The following CORO7 variants were observed in gnomAD, a reference collection of about 807,000 sequenced individuals.
The protein encoded by CORO7 is coronin-7.
Under a neutral mutation model 126.6 loss-of-function variants are expected in CORO7, and 107 were observed. The observed-to-expected ratio is 0.85, with a 90% CI of 0.72 to 0.99. The LOEUF is 0.99. CORO7 is among the 50% of genes least tolerant of loss of function. The pLI is 0.00. For synonymous variants in CORO7, 603 were observed against 536.8 expected, an observed-to-expected ratio of 1.12 and a Z score of -1.70; for missense variants, 1,314 against 1,255.8, an observed-to-expected ratio of 1.05 and a Z score of -0.70.
At chr16:4,356,922 C>T (rs929806505) in intron 26 of CORO7, 37 of 571,386 alleles carry the variant, frequency 6.5e-5, no homozygotes, top group African/African-American at 6.4e-4. Context: ...GCACTTGGGC[C>T]CAGAACTGCC....
intron 25 of CORO7, 148 bp from the exon 26 acceptor site, chr16:4,357,407 G>C: frequency 1.2e-6 from 1 of 866,180 alleles, no homozygotes; most frequent in East Asian, 2.8e-5. Context: ...GCCCAGGCTG[G>C]AGTGCAATGA....
intron 13 of CORO7, 85 bp downstream of exon 13, chr16:4,364,512 C>T: frequency 3.3e-6 from 5 of 1,495,572 alleles, no homozygotes; most frequent in Non-Finnish European, 4.5e-6. Context: ...GGGCACCCAG[C>T]AGGCCAGACT....
chr16:4,405,640 T>TG, intron 5 of CORO7, 73 bp from the exon 6 acceptor site: 2 of 1,537,244 alleles, frequency 1.3e-6, no homozygotes, highest in East Asian at 2.3e-5. Flanking sequence ...CGGGCCTTGC[T>TG]GGGGGGAACT....
At chr16:4,411,874 A>G (rs576745611) in intron 3 of CORO7, among the ~76,000 whole-genome samples, 30 of 151,682 alleles carry the variant, frequency 2.0e-4, no homozygotes, top group Non-Finnish European at 4.1e-4. Context: ...CCTGCCAGGC[A>G]GGCTGCTGGA....
chr16:4,406,511 C>G (rs2056002834), intron 5 of CORO7, among the ~76,000 whole-genome samples: 1 of 151,692 alleles, frequency 6.6e-6, no homozygotes. Flanking sequence ...GTTGCTCAGA[C>G]TAATTCTCAA....
Position 4,395,297 on chromosome 16 carries a change from C to T in CORO7, c.607G>A (p.Ala203Thr). Residue 203 changes from alanine to threonine, a missense_variant, in exon 7 of 28, where the codon GCC (alanine) becomes ACC (threonine). Ala to Thr is a moderately conservative substitution (Grantham distance 58, BLOSUM62 0). Coordinates refer to ENST00000251166, the MANE Select transcript of CORO7 (RefSeq NM_024535.5). Reference protein sequence around the residue: ...RIFDPRTKPRASQSTQAHENS... With the variant: ...RIFDPRTKPRTSQSTQAHENS... Reference sequence around the variant, plus strand: ...TTGCCCACACAACTCACCTGAGAGGCCCGCGGCTTTGTTCTGGGGTCAAAG... The same window carrying T: ...TTGCCCACACAACTCACCTGAGAGGTCCGCGGCTTTGTTCTGGGGTCAAAG... 6.2e-7 allele frequency: 1 copy of T among 1,614,076 alleles called. No homozygotes were observed. The highest frequency in any genetic ancestry group is 1.3e-5 in the African/African-American group (1 of 75,058).
In CORO7 at chr16:4,409,209, G is replaced by A. The variant is rs141777616; in HGVS notation, c.233-958C>T. On this transcript the variant is annotated intron_variant, in intron 3 of 27. Coordinates refer to ENST00000251166, the MANE Select transcript of CORO7 (RefSeq NM_024535.5). ...GGCTGAGCAGGACTGTCTTCCTCCC[G>A]GCCTCAGGAGACAGGGAAAAGATAG... is the stretch of plus-strand genomic sequence containing the variant. Among the ~76,000 whole-genome samples the A allele has an allele frequency of 3.9e-3, 594 of 152,300 alleles. 8 individuals carry two copies. Among genetic ancestry groups the A allele is most frequent in the African/African-American group, 0.014 (565 of 41,560 alleles).
At chr16:4,378,667 G>T (rs1479044015) in intron 9 of CORO7, among the ~76,000 whole-genome samples, 1 of 152,062 alleles carries the variant, frequency 6.6e-6, no homozygotes, top group African/African-American at 2.4e-5. Context: ...CCTGGGGTTT[G>T]GGGTGCTAAC....
chr16:4,381,265 T>C (rs781736852), intron 9 of CORO7: 1 of 1,611,844 alleles, frequency 6.2e-7, no homozygotes, highest in East Asian at 2.2e-5. Context: ...CGAGCGCCTC[T>C]ACCTGGGCAA....
intron 26 of CORO7, 113 bp downstream of exon 26, chr16:4,357,055 C>T (rs1041487871): frequency 1.8e-5 from 24 of 1,360,580 alleles, no homozygotes; most frequent in African/African-American, 1.2e-4. Context: ...GTGAAGGGGA[C>T]GTGACATGTG....
chr16:4,387,995 G>T lies in CORO7; in HGVS notation c.776C>A (p.Thr259Asn), dbSNP rs751197070. 2.5e-6 allele frequency: 4 copies of T among 1,613,088 alleles called. No individual in the cohort carries two copies. In the South Asian group the frequency reaches 3.3e-5, roughly 13 times the overall value. The change falls in exon 9 of 28, where the codon ACC becomes AAC. Residue 259 changes from threonine to asparagine, a missense_variant. Thr to Asn is a moderately conservative substitution (Grantham distance 65). Coordinates refer to ENST00000251166, the MANE Select transcript of CORO7 (RefSeq NM_024535.5). ...SSALASLTLD[T>N]SLGCLVPLLD... Reference sequence around the variant, plus strand: ...GTGCCGCAGCTCCTACCCAAGCGAGGTGTCCAAGGTGAGGGAGGCCAGGGC... The same window carrying T: ...GTGCCGCAGCTCCTACCCAAGCGAGTTGTCCAAGGTGAGGGAGGCCAGGGC...
Position 4,361,090 on chromosome 16 carries a change from A to G in CORO7, c.1775-5T>C. The G allele has an allele frequency of 6.2e-7, 1 of 1,613,396 alleles. No individual in the cohort carries two copies. The highest frequency in any genetic ancestry group is 8.5e-7 in the Non-Finnish European group (1 of 1,179,992). Reference sequence around the variant, plus strand: ...AGCAGATCTTCTCCGTGTGGCCTGGAGGAAGGCAGGGGTGATCAGGAGCCC... The same window carrying G: ...AGCAGATCTTCTCCGTGTGGCCTGGGGGAAGGCAGGGGTGATCAGGAGCCC... On this transcript the variant is annotated splice_polypyrimidine_tract_variant and splice_region_variant and intron_variant, in intron 18 of 27. Coordinates refer to ENST00000251166, the MANE Select transcript of CORO7 (RefSeq NM_024535.5).
intron 16 of CORO7, 97 bp downstream of exon 16, chr16:4,361,888 G>A (rs780618896): frequency 2.8e-5 from 42 of 1,524,988 alleles, no homozygotes; most frequent in Admixed American, 5.9e-5. Flanking sequence ...CTGACACAAG[G>A]TTTGTGCTCC....
At chr16:4,378,968 G>A (rs911059483) in intron 9 of CORO7, among the ~76,000 whole-genome samples, 17 of 152,160 alleles carry the variant, frequency 1.1e-4, no homozygotes, top group African/African-American at 3.6e-4. Flanking sequence ...GCCCAACCCC[G>A]GGGACAAGGG....
At chr16:4,380,398 A>T (rs2054912522) in intron 9 of CORO7, among the ~76,000 whole-genome samples, 1 of 152,230 alleles carries the variant, frequency 6.6e-6, no homozygotes, top group Non-Finnish European at 1.5e-5. Context: ...GGAGGGCGGG[A>T]CACGGAGCGT....
chr16:4,390,876 GC>G (rs1366926723), intron 7 of CORO7, among the ~76,000 whole-genome samples: 1 of 152,192 alleles, frequency 6.6e-6, no homozygotes, highest in Non-Finnish European at 1.5e-5. Context: ...AGGAGGAGCC[GC>G]CCAGGACCAC....
rs2054730209 is a variant in CORO7 at position 4,376,339 on chromosome 16, G to A, written c.786-10794C>T. ...GCCTGGAGGGGTTGGCAGACTCCCG[G>A]GGCTGGGCTGCTGCCAGGCCTGACC... On this transcript the variant is annotated intron_variant, in intron 9 of 27. Transcript: ENST00000251166. 5.9e-5 allele frequency among the ~76,000 whole-genome samples: 9 copies of A among 152,216 alleles called. No individual in the cohort carries two copies. The South Asian group carries it at 1.9e-3, about 31-fold the overall frequency.
Position 4,362,487 on chromosome 16 carries a change from G to C in CORO7, c.1402+125C>G. On this transcript the variant is annotated intron_variant, in intron 15 of 27. Coordinates refer to ENST00000251166, the MANE Select transcript of CORO7 (RefSeq NM_024535.5). The surrounding 1 kb of genome is among the most constrained non-coding windows in gnomAD (Gnocchi z 5.3). ...CCAGGACAAATGACCCTGCCAGTGA[G>C]TCTGGGTGAGGGGGGTGCCCTGCAT... 1 of 1,431,022 alleles carries C rather than the reference G, an allele frequency of 7.0e-7. No homozygotes were observed. The allele number at this position is 1,431,022 out of a possible 1,614,324, so 88.6% of individuals were successfully genotyped here. A position where few individuals can be genotyped will look rare whatever the true frequency, so the allele number is the denominator to read the frequency against.
chr16:4,361,249 C>T lies in CORO7; in HGVS notation c.1688-1G>A, dbSNP rs1218058506. 1.9e-6 allele frequency: 3 copies of T among 1,612,490 alleles called. No individual in the cohort carries two copies. Among genetic ancestry groups the T allele is most frequent in the East Asian group, 2.2e-5 (1 of 44,878 alleles). On this transcript the variant is annotated splice_acceptor_variant, in intron 17 of 27. Coordinates refer to ENST00000251166, the MANE Select transcript of CORO7 (RefSeq NM_024535.5). LOFTEE classifies it high-confidence loss of function. Reference sequence around the variant, plus strand: ...AGTCGGATCCTGGCGTCCTCACCAGCTGCAGAGGACAGACAGGGGCTCATC... The same window carrying T: ...AGTCGGATCCTGGCGTCCTCACCAGTTGCAGAGGACAGACAGGGGCTCATC...
Sources: allele counts gnomAD v4.1 joint callset (sites outside exome capture counted in the v4.1 genomes callset), GRCh38; gene constraint gnomAD v4.1.1; non-coding constraint Gnocchi (gnomAD v3.1); transcripts MANE v1.5; gene names NCBI Gene and HGNC (gene_info 2026-07-23, HGNC 2026-07-21).